LYAR: variants seen among roughly 807,000 people sequenced by gnomAD.
LYAR encodes the protein Ly1 antibody reactive, also known as cell growth-regulating nucleolar protein.
LYAR carries 37 observed loss-of-function variants against 45.2 expected under a neutral mutation model. The observed-to-expected ratio is 0.82, with a 90% CI of 0.63 to 1.08. LYAR has a LOEUF of 1.08. Among genes scored for constraint, LYAR ranks in the 50% least tolerant of loss-of-function variants. The probability of loss-of-function intolerance (pLI) is 0.00; values close to 1 mark genes in which losing one functional copy is unlikely to be tolerated. For synonymous variants in LYAR, 176 were observed against 155.1 expected, an observed-to-expected ratio of 1.14 and a Z score of -1.00; for missense variants, 493 against 451.0, an observed-to-expected ratio of 1.09 and a Z score of -0.84.
intron 7 of LYAR, 102 bp downstream of exon 7, chr4:4,274,265 C>G: frequency 7.9e-7 from 1 of 1,272,382 alleles, no homozygotes; most frequent in Non-Finnish European, 1.1e-6. Flanking sequence ...AAAAACCACA[C>G]ACACACGCAC....
At chr4:4,281,037 G>A (rs1025667867) in intron 4 of LYAR, among the ~76,000 whole-genome samples, 2 of 152,188 alleles carry the variant, frequency 1.3e-5, no homozygotes, top group African/African-American at 4.8e-5. Flanking sequence ...TACTGTGCAT[G>A]TTTTCATGCT....
intron 4 of LYAR, among the ~76,000 whole-genome samples, chr4:4,281,055 T>A (rs1410500723): frequency 6.6e-6 from 1 of 152,220 alleles, no homozygotes; most frequent in Admixed American, 6.5e-5. Flanking sequence ...GCTGTTTTAG[T>A]TAAGTAGAAA....
Position 4,268,579 on chromosome 4 carries a change from A to C in LYAR, c.956T>G (p.Leu319Arg). Residue 319 changes from leucine to arginine, a missense_variant, in exon 9 of 10, where the codon CTG (leucine) becomes CGG (arginine). Physicochemically the swap from Leu to Arg is moderately radical, Grantham distance 102. Coordinates refer to ENST00000343470, the MANE Select transcript of LYAR (RefSeq NM_017816.3). ...TATTTCATTGTCTGGGGCCTGTTTC[A>C]GAATTGCTTTAATAGTTCCCTTCCA... Reference protein sequence around the residue: ...FNWKGTIKAILKQAPDNEITI... With the variant: ...FNWKGTIKAIRKQAPDNEITI... The C allele has an allele frequency of 6.2e-7, 1 of 1,612,242 alleles. No homozygotes were observed. Among genetic ancestry groups the C allele is most frequent in the Middle Eastern group, 1.7e-4 (1 of 6,000 alleles).
chr4:4,275,028 C>T (rs1178013192), intron 6 of LYAR, among the ~76,000 whole-genome samples: 1 of 152,160 alleles, frequency 6.6e-6, no homozygotes, highest in East Asian at 1.9e-4. Context: ...GTGAAGAATC[C>T]TTATGTCGCT....
intron 8 of LYAR, among the ~76,000 whole-genome samples, chr4:4,270,354 T>C (rs1400186556): frequency 6.7e-6 from 1 of 150,316 alleles, no homozygotes; most frequent in Non-Finnish European, 1.5e-5. Context: ...AAAGAGTTGT[T>C]AGCACAATCC....
Position 4,281,802 on chromosome 4 carries a change from T to C in LYAR, c.218A>G (p.Lys73Arg). 6.2e-7 allele frequency: 1 copy of C among 1,614,076 alleles called. No individual in the cohort carries two copies. ...YEGKTHKGDI[K>R]QQAWIQKISE... ...CGTTACCTGAATCCACGCCTGCTGT[T>C]TGATGTCGCCTTTGTGGGTTTTACC... The change falls in exon 4 of 10, where the codon AAA (lysine) becomes AGA (arginine). Residue 73 changes from lysine to arginine, a missense_variant. Lys to Arg is a conservative substitution (Grantham distance 26). Transcript: ENST00000343470.
chr4:4,280,303 G>T (rs746024948), intron 4 of LYAR, among the ~76,000 whole-genome samples: 21 of 152,150 alleles, frequency 1.4e-4, no homozygotes, highest in Non-Finnish European at 2.1e-4. Flanking sequence ...CGTACTCATG[G>T]ACTGGGAGAC....
chr4:4,289,874 T>G (rs1719788872), intron 1 of LYAR, 162 bp downstream of exon 1: 1 of 152,188 alleles, frequency 6.6e-6, no homozygotes, highest in Admixed American at 6.5e-5. Context: ...TCACCCTAAG[T>G]CCAGGACTCC....
At chr4:4,287,756 C>G (rs1719670293) in intron 1 of LYAR, among the ~76,000 whole-genome samples, 1 of 152,132 alleles carries the variant, frequency 6.6e-6, no homozygotes, top group African/African-American at 2.4e-5. Context: ...TTACTCAGCA[C>G]CTGGGACCTT....
intron 6 of LYAR, among the ~76,000 whole-genome samples, chr4:4,278,637 C>T (rs1049161189): frequency 2.0e-5 from 3 of 152,236 alleles, no homozygotes; most frequent in Non-Finnish European, 4.4e-5. Flanking sequence ...TTCCCTCATG[C>T]ACCACCACCT....
chr4:4,278,645 C>G (rs1017963194), intron 6 of LYAR, among the ~76,000 whole-genome samples: 1 of 152,200 alleles, frequency 6.6e-6, no homozygotes, highest in African/African-American at 2.4e-5. Context: ...TGCACCACCA[C>G]CTGGGATACT....
rs141027566 is a variant in LYAR at position 4,267,979 on chromosome 4, G to C, written c.1050C>G (p.Ser350=). Residue 350 remains serine (S), a synonymous_variant, in exon 10 of 10, where the codon TCC becomes TCG. Coordinates refer to ENST00000343470, the MANE Select transcript of LYAR (RefSeq NM_017816.3). The part of the protein sequence containing the change: ...YYTVTDEHHR[S]EEELLVIFNK... ...TAAAGATGACCAGGAGTTCCTCTTC[G>C]GATCTGTGATGCTCATCTGTCACTG... 2.8e-5 allele frequency: 45 copies of C among 1,612,182 alleles called. No homozygotes were observed. The highest frequency in any genetic ancestry group is 3.6e-5 in the Non-Finnish European group (43 of 1,179,570).
chr4:4,272,035 A>G (rs1024439048), intron 8 of LYAR, among the ~76,000 whole-genome samples: 2 of 152,110 alleles, frequency 1.3e-5, no homozygotes, highest in African/African-American at 4.8e-5. Flanking sequence ...GATTCCAGAA[A>G]TGAAGAACAG....
rs750920063 is a variant in LYAR, at chr4:4,268,628, T to C, written c.920-13A>G. The stretch of plus-strand genomic sequence containing the variant: ...CAGTTGAATTTACCTACAATATAAA[T>C]AATAATATTTAAGACATTTCGTTTT... On this transcript the variant is annotated splice_polypyrimidine_tract_variant and intron_variant, in intron 8 of 9. Transcript: ENST00000343470. The C allele has an allele frequency of 2.0e-6, 3 of 1,501,142 alleles. No homozygotes were observed. Among genetic ancestry groups the C allele is most frequent in the Non-Finnish European group, 2.8e-6 (3 of 1,086,326 alleles). The allele number at this position is 1,501,142 out of a possible 1,614,324, so 93.0% of individuals were successfully genotyped here. A position where few individuals can be genotyped will look rare whatever the true frequency, so the allele number is the denominator to read the frequency against.
chr4:4,287,232 T>C (rs1426730294), intron 1 of LYAR, among the ~76,000 whole-genome samples: 1 of 152,134 alleles, frequency 6.6e-6, no homozygotes, highest in Admixed American at 6.5e-5. Context: ...TCTGGCCACA[T>C]GCGCATGTTA....
At chr4:4,275,484 G>A (rs1385248686) in intron 6 of LYAR, among the ~76,000 whole-genome samples, 2 of 147,054 alleles carry the variant, frequency 1.4e-5, no homozygotes. Flanking sequence ...TTGTTCTGTT[G>A]CACAGGCTGA....
At chr4:4,280,786 C>T (rs1719363605) in intron 4 of LYAR, among the ~76,000 whole-genome samples, 1 of 152,214 alleles carries the variant, frequency 6.6e-6, no homozygotes, top group Non-Finnish European at 1.5e-5. Flanking sequence ...CAGTAGTATG[C>T]TCATTCAGTA....
At chr4:4,290,006 AG>A (rs1719797184) in intron 1 of LYAR, 29 bp downstream of exon 1, 1 of 152,432 alleles carries the variant, frequency 6.6e-6, no homozygotes, top group East Asian at 1.9e-4. Context: ...CCAGCCTCCC[AG>A]GTCGGACCTC....
At chr4:4,280,357 T>G (rs1294290005) in intron 4 of LYAR, among the ~76,000 whole-genome samples, 3 of 152,184 alleles carry the variant, frequency 2.0e-5, no homozygotes, top group Non-Finnish European at 4.4e-5. Flanking sequence ...AATCTACAGA[T>G]TCAATACAAT....
Sources: gnomAD v4.1 joint callset for allele counts (sites outside exome capture counted in the v4.1 genomes callset) on GRCh38, gnomAD v4.1.1 for gene constraint, MANE v1.5 for transcripts, NCBI Gene and HGNC (gene_info 2026-07-23, HGNC 2026-07-21) for gene names.